SEMA3A: variants seen among roughly 807,000 people sequenced by gnomAD.
SEMA3A encodes the protein semaphorin-3A.
A neutral mutation model predicts 97.9 loss-of-function variants in SEMA3A; 29 were observed. The ratio of observed to expected loss-of-function variants is 0.30; its 90% CI spans 0.22 to 0.40. SEMA3A has a LOEUF of 0.40. Among genes scored for constraint, SEMA3A ranks in the 10% least tolerant of loss-of-function variants. The pLI is 1.00. For synonymous variants in SEMA3A, 321 were observed against 323.7 expected, an observed-to-expected ratio of 0.99 and a Z score of 0.09; for missense variants, 763 against 951.3, an observed-to-expected ratio of 0.80 and a Z score of 2.60.
intron 3 of SEMA3A, among the ~76,000 whole-genome samples, chr7:84,284,807 T>C (rs1800538711): frequency 6.6e-6 from 1 of 152,158 alleles, no homozygotes; most frequent in Non-Finnish European, 1.5e-5. Context: ...TTTTGATTGA[T>C]GGACCTATTA....
chr7:84,062,385 T>C (rs1326639187), intron 4 of SEMA3A, among the ~76,000 whole-genome samples: 1 of 151,926 alleles, frequency 6.6e-6, no homozygotes, highest in East Asian at 1.9e-4. Flanking sequence ...GATATATGTG[T>C]ATTTTGATGA....
chr7:84,357,278 GCCCCAC>G (rs1239671566), intron 2 of SEMA3A, among the ~76,000 whole-genome samples: 2 of 102,040 alleles, frequency 2.0e-5, no homozygotes, highest in African/African-American at 7.2e-5. Flanking sequence ...ATGCCTCCCC[GCCCCAC>G]CCCCCCTCCA....
chr7:84,330,811 T>C (rs965278961), intron 2 of SEMA3A, among the ~76,000 whole-genome samples: 4 of 152,098 alleles, frequency 2.6e-5, no homozygotes, highest in Admixed American at 2.6e-4. Context: ...GGTCCTTCCC[T>C]CATATTCTGA....
intron 3 of SEMA3A, among the ~76,000 whole-genome samples, chr7:84,217,974 A>G (rs1178126311): frequency 6.6e-6 from 1 of 151,982 alleles, no homozygotes; most frequent in Non-Finnish European, 1.5e-5. Flanking sequence ...AGTCCCAGCT[A>G]CTTGGGAAGC....
In SEMA3A at chr7:84,463,237, C is replaced by CTTTTTTTTTTTTTTTTTT. The variant is rs59465422; in HGVS notation, c.-246+29205_-246+29222dup. ...ATTACTTTAGTATTTTGTAACTATT[C>CTTTTTTTTTTTTTTTTTT]TTTTTTTTTTTTTTTTTTTTTTTTT... On this transcript the variant is annotated intron_variant, in intron 1 of 3. Transcript: ENST00000424555. Among the ~76,000 whole-genome samples, 5 of 71,350 alleles carry CTTTTTTTTTTTTTTTTTT rather than the reference C, an allele frequency of 7.0e-5. 2 individuals carry two copies. Among genetic ancestry groups the CTTTTTTTTTTTTTTTTTT allele is most frequent in the African/African-American group, 2.8e-4 (5 of 17,916 alleles). 46.8% of individuals were successfully genotyped at this position (71,350 alleles called of 152,430 possible).
Position 84,168,746 on chromosome 7 carries a change from A to C in SEMA3A, c.112+25729T>G, listed in dbSNP as rs140657895. On this transcript the variant is annotated intron_variant, in intron 1 of 16. Coordinates refer to ENST00000265362, the MANE Select transcript of SEMA3A (RefSeq NM_006080.3). The stretch of plus-strand genomic sequence containing the variant: ...GAAAGGCATATTATTTCAGAATCTG[A>C]TGAGAACTAACTGACACCTCACATA... 6.6e-3 allele frequency among the ~76,000 whole-genome samples: 1,006 copies of C among 151,974 alleles called. 9 individuals carry two copies. Among genetic ancestry groups the C allele is most frequent in the African/African-American group, 0.023 (950 of 41,534 alleles).
intron 1 of SEMA3A, among the ~76,000 whole-genome samples, chr7:84,426,884 C>T (rs924670013): frequency 6.6e-6 from 1 of 151,980 alleles, no homozygotes; most frequent in South Asian, 2.1e-4. Flanking sequence ...GGTACATATG[C>T]TATTCTCCAC....
chr7:84,393,690 A>G (rs943269179), intron 1 of SEMA3A, among the ~76,000 whole-genome samples: 4 of 152,146 alleles, frequency 2.6e-5, no homozygotes, highest in African/African-American at 9.6e-5. Flanking sequence ...CTGTTTTATC[A>G]GAGAGTAATA....
intron 4 of SEMA3A, among the ~76,000 whole-genome samples, chr7:84,063,824 A>C (rs1320425768): frequency 2.0e-5 from 3 of 149,600 alleles, no homozygotes; most frequent in Non-Finnish European, 4.4e-5. Context: ...GGGAGAATGG[A>C]ACCAAGTTGG....
chr7:84,092,970 T>A (rs1248524676), intron 4 of SEMA3A, among the ~76,000 whole-genome samples: 1 of 152,146 alleles, frequency 6.6e-6, no homozygotes, highest in Non-Finnish European at 1.5e-5. Flanking sequence ...TCAAATGTGT[T>A]AAAATTACAG....
intron 13 of SEMA3A, among the ~76,000 whole-genome samples, chr7:83,982,277 A>G (rs1403988979): frequency 6.6e-6 from 1 of 152,200 alleles, no homozygotes; most frequent in African/African-American, 2.4e-5. Context: ...ATAGGTCTTT[A>G]AAGTATGCAT....
At chr7:84,021,520 G>A (rs1791329269) in intron 6 of SEMA3A, among the ~76,000 whole-genome samples, 2 of 152,002 alleles carry the variant, frequency 1.3e-5, no homozygotes, top group South Asian at 4.1e-4. Flanking sequence ...CCTGCCTCCG[G>A]CCTTACCATC....
intron 3 of SEMA3A, among the ~76,000 whole-genome samples, chr7:84,222,579 GT>G (rs1798904166): frequency 6.6e-6 from 1 of 151,810 alleles, no homozygotes. Context: ...TGAAGAATTA[GT>G]TTTACTTTTG....
intron 1 of SEMA3A, among the ~76,000 whole-genome samples, chr7:84,191,620 A>G (rs1048948413): frequency 1.3e-5 from 2 of 151,918 alleles, no homozygotes; most frequent in African/African-American, 4.8e-5. Flanking sequence ...TAGAAGAAAT[A>G]AACATTTATG....
chr7:84,391,282 A>C (rs1290073213), intron 1 of SEMA3A, among the ~76,000 whole-genome samples: 1 of 152,180 alleles, frequency 6.6e-6, no homozygotes, highest in African/African-American at 2.4e-5. Context: ...AAATTGATTA[A>C]AGGCAAATAG....
intron 13 of SEMA3A, among the ~76,000 whole-genome samples, chr7:83,985,194 C>T (rs1191433535): frequency 6.6e-6 from 1 of 151,756 alleles, no homozygotes; most frequent in Non-Finnish European, 1.5e-5. Flanking sequence ...AAATTTATAA[C>T]AAATAATGAT....
chr7:83,965,425 T>C (rs1468027238), intron 15 of SEMA3A, among the ~76,000 whole-genome samples: 1 of 151,202 alleles, frequency 6.6e-6, no homozygotes, highest in Non-Finnish European at 1.5e-5. Flanking sequence ...TTTTCCCAGG[T>C]AGAAATTTAT....
rs897875121 is a variant in SEMA3A, at chr7:84,088,449, G to A, written c.453+22021C>T. Among the ~76,000 whole-genome samples the A allele has an allele frequency of 7.3e-5, 11 of 150,186 alleles. No homozygotes were observed. In the East Asian group the frequency reaches 7.8e-4, roughly 11 times the overall value. On this transcript the variant is annotated intron_variant, in intron 4 of 16. Coordinates refer to ENST00000265362, the MANE Select transcript of SEMA3A (RefSeq NM_006080.3). ...AGCCTGGGCTACACAGGGAGACTCC[G>A]TTTCCAAAAAAAAAAAGAAAGTATG...
intron 3 of SEMA3A, among the ~76,000 whole-genome samples, chr7:84,236,414 G>A (rs78302148): frequency 6.6e-6 from 1 of 152,088 alleles, no homozygotes; most frequent in African/African-American, 2.4e-5. Context: ...TCTCCCTTCA[G>A]TTACACAGTC....
Sources: gnomAD v4.1 joint callset for allele counts (sites outside exome capture counted in the v4.1 genomes callset) on GRCh38, gnomAD v4.1.1 for gene constraint, MANE v1.5 for transcripts, NCBI Gene and HGNC (gene_info 2026-07-23, HGNC 2026-07-21) for gene names.